Variants in STAU2 observed in about 807,000 individuals in gnomAD.
The protein encoded by STAU2 is double-stranded RNA-binding protein Staufen homolog 2.
STAU2 carries 20 observed loss-of-function variants against 65.9 expected under a neutral mutation model. The ratio of observed to expected loss-of-function variants is 0.30; its 90% CI spans 0.21 to 0.44. STAU2 has a LOEUF of 0.44. Ranked by LOEUF, STAU2 falls within the 20% of genes least tolerant of loss-of-function variation. The pLI, the probability that STAU2 is intolerant of heterozygous loss-of-function variation, is 1.00. For synonymous variants in STAU2, 232 were observed against 233.9 expected (o/e 0.99, Z 0.07); for missense variants, 558 against 683.9 (o/e 0.82, Z 2.05).
intron 13 of STAU2, among the ~76,000 whole-genome samples, chr8:73,425,356 G>A (rs903219985): frequency 1.3e-5 from 2 of 152,186 alleles, no homozygotes; most frequent in African/African-American, 4.8e-5. Flanking sequence ...GGTGGTAGGG[G>A]CTGGAGTGAT....
At chr8:73,673,018 T>A in intron 6 of STAU2, 89 bp downstream of exon 6, 1 of 1,243,482 alleles carries the variant, frequency 8.0e-7, no homozygotes, top group South Asian at 2.4e-5. Flanking sequence ...CAATTAGATT[T>A]ACAATGAAAA....
intron 13 of STAU2, among the ~76,000 whole-genome samples, chr8:73,434,700 T>TC (rs1349971057): frequency 3.3e-5 from 5 of 151,956 alleles, no homozygotes; most frequent in Non-Finnish European, 1.5e-5. Flanking sequence ...CACATCTTTC[T>TC]CTCTTTTGCT....
chr8:73,547,575 A>G (rs777447094), intron 13 of STAU2, among the ~76,000 whole-genome samples: 5 of 152,304 alleles, frequency 3.3e-5, no homozygotes, highest in South Asian at 2.1e-4. Context: ...CCAAGCCTTC[A>G]AGAGAGTTCT....
At chr8:73,651,070 G>A (rs1171670791) in intron 6 of STAU2, among the ~76,000 whole-genome samples, 6 of 152,156 alleles carry the variant, frequency 3.9e-5, no homozygotes, top group Admixed American at 1.3e-4. Flanking sequence ...CTTTGGCTCC[G>A]TGGACTGGCT....
At chr8:73,709,186 T>A (rs1401597261) in intron 3 of STAU2, 24 bp from the exon 4 acceptor site, 4 of 1,468,332 alleles carry the variant, frequency 2.7e-6, no homozygotes, top group Non-Finnish European at 3.6e-6. Flanking sequence ...GGCTATAAAG[T>A]TTTTGTGAAG....
intron 9 of STAU2, among the ~76,000 whole-genome samples, chr8:73,607,567 T>TA (rs371950579): frequency 4.2e-4 from 63 of 150,132 alleles, no homozygotes; most frequent in East Asian, 1.6e-3. Flanking sequence ...CCATCTCTAC[T>TA]AAAAAAAAAC....
intron 4 of STAU2, among the ~76,000 whole-genome samples, chr8:73,692,050 T>C (rs1244692805): frequency 6.6e-6 from 1 of 152,152 alleles, no homozygotes; most frequent in Non-Finnish European, 1.5e-5. Context: ...ATCATGCCTA[T>C]GTGACAGAGC....
intron 4 of STAU2, among the ~76,000 whole-genome samples, chr8:73,693,893 C>T (rs1207855292): frequency 6.6e-6 from 1 of 152,130 alleles, no homozygotes; most frequent in South Asian, 2.1e-4. Flanking sequence ...GTGTAAACAC[C>T]CCCACTTGAA....
At chr8:73,733,838 TTG>T (rs965695298) in intron 3 of STAU2, among the ~76,000 whole-genome samples, 5 of 152,202 alleles carry the variant, frequency 3.3e-5, no homozygotes, top group South Asian at 2.1e-4. Flanking sequence ...AGATATAATT[TTG>T]TCTTTTTGGG....
chr8:73,627,984 G>A (rs1376690438), intron 6 of STAU2, among the ~76,000 whole-genome samples: 5 of 151,976 alleles, frequency 3.3e-5, no homozygotes, highest in Admixed American at 3.3e-4. Context: ...ATGAAATATA[G>A]CATATCTGTG....
intron 13 of STAU2, chr8:73,550,400 C>A: frequency 1.0e-6 from 1 of 984,906 alleles, no homozygotes; most frequent in Non-Finnish European, 1.2e-6. Flanking sequence ...TTAAGACATT[C>A]TGGTAGCAAA....
At chr8:73,558,980 A>G (rs566334223) in intron 12 of STAU2, among the ~76,000 whole-genome samples, 1 of 152,332 alleles carries the variant, frequency 6.6e-6, no homozygotes, top group South Asian at 2.1e-4. Context: ...AGAACTAGAA[A>G]CAGGGGCTTC....
chr8:73,639,480 C>T (rs1814796036), intron 6 of STAU2, among the ~76,000 whole-genome samples: 1 of 152,036 alleles, frequency 6.6e-6, no homozygotes, highest in African/African-American at 2.4e-5. Context: ...ATATTCTAGT[C>T]TAGCTAACCC....
chr8:73,722,733 G>C (rs1428820288), intron 3 of STAU2, among the ~76,000 whole-genome samples: 1 of 151,980 alleles, frequency 6.6e-6, no homozygotes, highest in Non-Finnish European at 1.5e-5. Flanking sequence ...ATAATGTACA[G>C]TAAGTCCTCA....
chr8:73,471,817 T>TAAAAAAAAAAAAAA (rs569600617), intron 13 of STAU2, among the ~76,000 whole-genome samples: 1 of 86,812 alleles, frequency 1.2e-5, no homozygotes, highest in Non-Finnish European at 2.1e-5. Flanking sequence ...AGACTCCAAC[T>TAAAAAAAAAAAAAA]AAAAAAAAAA....
At chr8:73,546,882 C>A (rs561609895) in intron 13 of STAU2, among the ~76,000 whole-genome samples, 2 of 152,280 alleles carry the variant, frequency 1.3e-5, no homozygotes, top group African/African-American at 4.8e-5. Context: ...ACATCATTGT[C>A]AATCGTTTCT....
intron 1 of STAU2, among the ~76,000 whole-genome samples, chr8:73,744,450 GATA>G (rs963503661): frequency 2.1e-5 from 2 of 93,962 alleles, no homozygotes; most frequent in Non-Finnish European, 4.7e-5. Context: ...CACAAAACAA[GATA>G]ATAATAGGAA....
chr8:73,457,599 C>T (rs1032863422), intron 13 of STAU2, among the ~76,000 whole-genome samples: 2 of 152,232 alleles, frequency 1.3e-5, no homozygotes, highest in South Asian at 2.1e-4. Flanking sequence ...ACATCTCCCA[C>T]GTCCCTATGA....
In STAU2 at chr8:73,723,468, A is replaced by T. The variant is rs547870747; in HGVS notation, c.-17-14306T>A. ...AAAACATTTTTGGCCATTATTTCTT[A>T]AAATATATTCTTCTGTATATTATGT... On this transcript the variant is annotated intron_variant, in intron 3 of 14. Transcript: ENST00000524300. 3.1e-4 allele frequency among the ~76,000 whole-genome samples: 47 copies of T among 152,346 alleles called. No individual in the cohort carries two copies. In the South Asian group the frequency reaches 9.1e-3, roughly 30 times the overall value.
Sources: gnomAD v4.1 joint callset for allele counts (sites outside exome capture counted in the v4.1 genomes callset) on GRCh38, gnomAD v4.1.1 for gene constraint, MANE v1.5 for transcripts, NCBI Gene and HGNC (gene_info 2026-07-23, HGNC 2026-07-21) for gene names.